The following EEF2K variants were observed in gnomAD, a reference collection of about 807,000 sequenced individuals.
The protein encoded by EEF2K is alternative protein EEF2K.
A neutral mutation model predicts 93.8 loss-of-function variants in EEF2K; 70 were observed. That is an observed-to-expected ratio of 0.75 (90% CI 0.62 to 0.91). The LOEUF (loss-of-function observed/expected upper bound fraction) is 0.91, where lower values mean the gene tolerates loss of function less well. EEF2K is among the 40% of genes least tolerant of loss of function. The pLI, the probability that EEF2K is intolerant of heterozygous loss-of-function variation, is 0.00. For synonymous variants in EEF2K, 376 were observed against 380.8 expected, an observed-to-expected ratio of 0.99 and a Z score of 0.15; for missense variants, 935 against 972.9, an observed-to-expected ratio of 0.96 and a Z score of 0.52.
chr16:22,247,037 CAAAAAAAAAA>C (rs57073413), intron 3 of EEF2K, among the ~76,000 whole-genome samples: 1,054 of 13,634 alleles, frequency 0.077, 20 homozygotes, highest in African/African-American at 0.19. Context: ...GACTCCATCT[CAAAAAAAAAA>C]AAAAAAAAAA....
intron 2 of EEF2K, among the ~76,000 whole-genome samples, chr16:22,239,221 T>C (rs1462677897): frequency 6.6e-6 from 1 of 152,200 alleles, no homozygotes; most frequent in African/African-American, 2.4e-5. Context: ...TGCAGTACTT[T>C]CCTCCCTGTT....
intron 1 of EEF2K, among the ~76,000 whole-genome samples, chr16:22,220,222 G>T (rs1031903450): frequency 6.6e-6 from 1 of 152,334 alleles, no homozygotes; most frequent in African/African-American, 2.4e-5. Flanking sequence ...CTTAGCTCTG[G>T]AATGCATATC....
At chr16:22,276,740 A>G (rs752193061) in intron 16 of EEF2K, among the ~76,000 whole-genome samples, 7 of 152,178 alleles carry the variant, frequency 4.6e-5, no homozygotes, top group Non-Finnish European at 8.8e-5. Flanking sequence ...GGAGATAAAC[A>G]ATCTAGTCTA....
At chr16:22,248,706 C>T in intron 3 of EEF2K, 49 bp from the exon 4 acceptor site, 1 of 1,608,050 alleles carries the variant, frequency 6.2e-7, no homozygotes, top group South Asian at 1.1e-5. Flanking sequence ...CAGTGAGAAA[C>T]AGGACCACGT....
rs2047064043 is a variant in EEF2K at position 22,226,394 on chromosome 16, A to G, written c.246+419A>G. 2.0e-5 allele frequency among the ~76,000 whole-genome samples: 3 copies of G among 147,670 alleles called. No individual in the cohort carries two copies. In the South Asian group the frequency reaches 6.4e-4, roughly 31 times the overall value. ...AGAATAAAACAGCAACTATTGGGGA[A>G]CATTGCAAACTGTAAAGATCTTATT... is the stretch of plus-strand genomic sequence containing the variant. On this transcript the variant is annotated intron_variant, in intron 2 of 17. Coordinates refer to ENST00000263026, the MANE Select transcript of EEF2K (RefSeq NM_013302.5).
At position 22,250,669 on chromosome 16, in the gene EEF2K, G is replaced by A. The variant is rs2047340969; in HGVS notation, c.424G>A (p.Ala142Thr). ...TGTCTTTCAGCCCTTCGGCCGAGGA[G>A]CAATGAGGGAGTGCTTCCGGACGTA... ...KMASQPFGRGAMRECFRTKKL... is the reference protein window; with the variant it reads ...KMASQPFGRGTMRECFRTKKL... The change falls in exon 5 of 18, where the codon GCA (alanine) becomes ACA (threonine). Residue 142 changes from alanine to threonine, a missense_variant. Coordinates refer to ENST00000263026, the MANE Select transcript of EEF2K (RefSeq NM_013302.5). 6.2e-7 allele frequency: 1 copy of A among 1,614,112 alleles called. No individual in the cohort carries two copies. Among genetic ancestry groups the A allele is most frequent in the Non-Finnish European group, 8.5e-7 (1 of 1,180,056 alleles).
chr16:22,242,305 G>A (rs2141663445), intron 2 of EEF2K, among the ~76,000 whole-genome samples: 1 of 152,164 alleles, frequency 6.6e-6, no homozygotes, highest in South Asian at 2.1e-4. Flanking sequence ...GCCCTGTTTG[G>A]GCTGAGTCCT....
At chr16:22,250,919 G>A (rs1401610917) in intron 5 of EEF2K, among the ~76,000 whole-genome samples, 1 of 152,174 alleles carries the variant, frequency 6.6e-6, no homozygotes, top group African/African-American at 2.4e-5. Flanking sequence ...CCTGGTGTTG[G>A]GAGGTCAAGG....
intron 16 of EEF2K, among the ~76,000 whole-genome samples, chr16:22,277,350 G>A (rs1434899157): frequency 6.6e-6 from 1 of 152,084 alleles, no homozygotes; most frequent in Non-Finnish European, 1.5e-5. Flanking sequence ...GCCCAGGCTG[G>A]CCTCAAACTC....
chr16:22,216,888 G>A (rs1307745157), intron 1 of EEF2K, among the ~76,000 whole-genome samples: 3 of 151,928 alleles, frequency 2.0e-5, no homozygotes, highest in Non-Finnish European at 2.9e-5. Flanking sequence ...AGGGCCGGGT[G>A]CAGTGGCTCA....
At chr16:22,208,438 G>A (rs11859237) in intron 1 of EEF2K, among the ~76,000 whole-genome samples, 1 of 152,130 alleles carries the variant, frequency 6.6e-6, no homozygotes, top group Non-Finnish European at 1.5e-5. Context: ...CAGGAGAATC[G>A]AGAATCGTTT....
At chr16:22,261,151 T>C (rs1328548533) in intron 11 of EEF2K, among the ~76,000 whole-genome samples, 2 of 152,006 alleles carry the variant, frequency 1.3e-5, no homozygotes, top group Admixed American at 1.3e-4. Flanking sequence ...GGTGGGCAGA[T>C]CACTTGAGCC....
chr16:22,252,019 C>T (rs965467659), intron 6 of EEF2K, among the ~76,000 whole-genome samples: 1 of 152,018 alleles, frequency 6.6e-6, no homozygotes, highest in African/African-American at 2.4e-5. Context: ...GTTTCAAACT[C>T]CTGGCCTCAA....
At chr16:22,244,796 A>G in intron 3 of EEF2K, 66 bp downstream of exon 3, 1 of 1,529,356 alleles carries the variant, frequency 6.5e-7, no homozygotes, top group South Asian at 1.1e-5. Context: ...GTTCCCAATC[A>G]GTGAGGCCTA....
In EEF2K at chr16:22,244,674, C is replaced by T; in HGVS notation, c.291C>T (p.Asp97=). Residue 97 remains aspartate, a synonymous_variant, in exon 3 of 18, where the codon GAC becomes GAT. Transcript: ENST00000263026. Reference sequence around the variant, plus strand: ...TCCAGAAGGCCAAGCACATGCCCGACCCCTGGGCTGAGTTCCACCTGGAAG... The same window carrying T: ...TCCAGAAGGCCAAGCACATGCCCGATCCCTGGGCTGAGTTCCACCTGGAAG... ...HAIQKAKHMP[D]PWAEFHLEDI... 1.2e-6 allele frequency: 2 copies of T among 1,614,080 alleles called. No individual in the cohort carries two copies. Among genetic ancestry groups the T allele is most frequent in the Non-Finnish European group, 8.5e-7 (1 of 1,179,978 alleles).
intron 2 of EEF2K, among the ~76,000 whole-genome samples, chr16:22,236,339 CTTTT>C (rs11353273): frequency 1.5e-5 from 2 of 137,130 alleles, no homozygotes. Context: ...AGTTGTATTT[CTTTT>C]TTTTTTTTTT....
Position 22,279,099 on chromosome 16 carries a change from T to G in EEF2K, c.1890-1099T>G, listed in dbSNP as rs141157837. ...ACACTCAGGCATTGCTAATGCTAGCTCATGGCTGCCTCTGTGTAGACTGTA... is the reference window on the plus strand; with the variant it reads ...ACACTCAGGCATTGCTAATGCTAGCGCATGGCTGCCTCTGTGTAGACTGTA... On this transcript the variant is annotated intron_variant, in intron 16 of 17. Coordinates refer to ENST00000263026, the MANE Select transcript of EEF2K (RefSeq NM_013302.5). Among the ~76,000 whole-genome samples, 25 of 152,250 alleles carry G rather than the reference T, an allele frequency of 1.6e-4. 1 individual carries two copies. In the East Asian group the frequency reaches 4.8e-3, roughly 29 times the overall value.
At chr16:22,229,131 C>A (rs569365075) in intron 2 of EEF2K, among the ~76,000 whole-genome samples, 15 of 151,972 alleles carry the variant, frequency 9.9e-5, no homozygotes, top group Admixed American at 8.5e-4. Context: ...AGAGGAGACT[C>A]CATCTCAAAA....
At chr16:22,225,381 A>C (rs888353903) in intron 1 of EEF2K, among the ~76,000 whole-genome samples, 3 of 152,222 alleles carry the variant, frequency 2.0e-5, no homozygotes, top group African/African-American at 7.2e-5. Context: ...GATGTGCTAA[A>C]AAGAGCACTC....
Sources: allele counts gnomAD v4.1 joint callset (sites outside exome capture counted in the v4.1 genomes callset), GRCh38; gene constraint gnomAD v4.1.1; transcripts MANE v1.5; gene names NCBI Gene and HGNC (gene_info 2026-07-23, HGNC 2026-07-21).